Variants in ADGRB3 observed in about 807,000 individuals in gnomAD.
ADGRB3 encodes brain-specific angiogenesis inhibitor 3.
In ADGRB3, 37 loss-of-function variants were observed where a neutral mutation model predicts 193.4. The observed-to-expected ratio is 0.19, with a 90% CI of 0.15 to 0.25. The LOEUF is 0.25. Among genes scored for constraint, ADGRB3 ranks in the 10% least tolerant of loss-of-function variants. ADGRB3 has a pLI of 1.00. For missense variants in ADGRB3, 1,637 were observed against 1,852.9 expected (o/e 0.88, Z 2.14); for synonymous variants, 690 against 644.2 (o/e 1.07, Z -1.08).
At chr6:68,722,015 T>A (rs1036796077) in intron 3 of ADGRB3, among the ~76,000 whole-genome samples, 2 of 151,842 alleles carry the variant, frequency 1.3e-5, no homozygotes, top group Admixed American at 1.3e-4. Context: ...ATATATATAT[T>A]CTACAGTTGT....
intron 20 of ADGRB3, among the ~76,000 whole-genome samples, chr6:69,265,879 T>A (rs991200387): frequency 6.6e-6 from 1 of 152,008 alleles, no homozygotes; most frequent in Non-Finnish European, 1.5e-5. Context: ...CAAATGACTC[T>A]TTCAAGGAAA....
intron 20 of ADGRB3, among the ~76,000 whole-genome samples, chr6:69,289,993 T>C (rs1767633109): frequency 6.6e-6 from 1 of 152,018 alleles, no homozygotes; most frequent in South Asian, 2.1e-4. Context: ...ATTTTCTTAG[T>C]GGAAGCTTGT....
chr6:68,682,955 C>T (rs1461759122), intron 3 of ADGRB3, among the ~76,000 whole-genome samples: 1 of 151,742 alleles, frequency 6.6e-6, no homozygotes, highest in African/African-American at 2.4e-5. Flanking sequence ...TTTTTGTATT[C>T]TTAGTAGTGA....
At chr6:68,795,178 G>T (rs1767182540) in intron 3 of ADGRB3, among the ~76,000 whole-genome samples, 2 of 151,880 alleles carry the variant, frequency 1.3e-5, no homozygotes, top group South Asian at 4.1e-4. Flanking sequence ...TATTAGCTAT[G>T]TGCTGGCATT....
intron 3 of ADGRB3, among the ~76,000 whole-genome samples, chr6:68,773,887 T>A (rs1324317058): frequency 6.6e-6 from 1 of 151,862 alleles, no homozygotes; most frequent in South Asian, 2.1e-4. Flanking sequence ...GACTTAGATG[T>A]AAGATAGAGG....
chr6:68,917,369 A>C (rs1766911177), intron 3 of ADGRB3, among the ~76,000 whole-genome samples: 1 of 152,184 alleles, frequency 6.6e-6, no homozygotes, highest in African/African-American at 2.4e-5. Context: ...AGTTCTTCCT[A>C]TGGATTTGAC....
intron 3 of ADGRB3, among the ~76,000 whole-genome samples, chr6:68,682,748 G>A (rs1262578563): frequency 2.6e-5 from 4 of 151,666 alleles, no homozygotes; most frequent in Non-Finnish European, 5.9e-5. Flanking sequence ...ATAAGGAGTT[G>A]ATGCAATGTT....
chr6:69,199,494 T>C (rs1300872907), intron 17 of ADGRB3, among the ~76,000 whole-genome samples: 1 of 152,102 alleles, frequency 6.6e-6, no homozygotes, highest in Non-Finnish European at 1.5e-5. Flanking sequence ...TCAAGAAACA[T>C]AAGCTTTTCT....
chr6:68,846,970 C>A (rs1379986091), intron 3 of ADGRB3, among the ~76,000 whole-genome samples: 2 of 152,154 alleles, frequency 1.3e-5, no homozygotes, highest in African/African-American at 2.4e-5. Flanking sequence ...CTGTACCATG[C>A]AAAGCCACAA....
chr6:69,145,244 T>G (rs151277023), intron 17 of ADGRB3, among the ~76,000 whole-genome samples: 1 of 152,170 alleles, frequency 6.6e-6, no homozygotes, highest in Non-Finnish European at 1.5e-5. Flanking sequence ...GTCTGGTTAC[T>G]GTGCATAGCC....
At chr6:69,085,116 A>G (rs1772509885) in intron 17 of ADGRB3, among the ~76,000 whole-genome samples, 1 of 152,170 alleles carries the variant, frequency 6.6e-6, no homozygotes, top group Admixed American at 6.6e-5. Flanking sequence ...GATGCCAACC[A>G]GAAGATTCCT....
Position 69,233,428 on chromosome 6 carries a change from A to C in ADGRB3, c.2607+12A>C. On this transcript the variant is annotated intron_variant, in intron 18 of 31. Coordinates refer to ENST00000370598, the MANE Select transcript of ADGRB3 (RefSeq NM_001704.3). Reference sequence around the variant, plus strand: ...AACCTAGAGAAATAGTAAGTAACAAAGGGAAAACACGGCTTTAACGCAAAG... The same window carrying C: ...AACCTAGAGAAATAGTAAGTAACAACGGGAAAACACGGCTTTAACGCAAAG... 6.2e-7 allele frequency: 1 copy of C among 1,613,866 alleles called. No homozygotes were observed. Among genetic ancestry groups the C allele is most frequent in the Non-Finnish European group, 8.5e-7 (1 of 1,179,842 alleles).
chr6:69,352,250 G>A (rs1411072869), intron 26 of ADGRB3, among the ~76,000 whole-genome samples: 1 of 152,090 alleles, frequency 6.6e-6, no homozygotes, highest in African/African-American at 2.4e-5. Context: ...TAAAAAGGAG[G>A]AGCTTGAAAG....
intron 4 of ADGRB3, among the ~76,000 whole-genome samples, chr6:68,933,620 A>G (rs1394169584): frequency 6.6e-6 from 1 of 152,228 alleles, no homozygotes; most frequent in East Asian, 1.9e-4. Context: ...ATAAATAAAT[A>G]AAATTAAAAG....
At position 69,322,585 on chromosome 6, in the gene ADGRB3, A is replaced by C. The variant is rs75723476; in HGVS notation, c.2815-2287A>C. Among the ~76,000 whole-genome samples, 153 of 151,948 alleles carry C rather than the reference A, an allele frequency of 1.0e-3. 1 individual carries two copies. In the East Asian group the frequency reaches 0.025, roughly 25 times the overall value. ...TGGTATCTCACTCACTATTGTTTTG[A>C]TCTGCATTTCTCTTAATGGTCAGTG... On this transcript the variant is annotated intron_variant, in intron 20 of 31. Coordinates refer to ENST00000370598, the MANE Select transcript of ADGRB3 (RefSeq NM_001704.3).
At chr6:68,787,249 C>T (rs932117720) in intron 3 of ADGRB3, among the ~76,000 whole-genome samples, 20 of 152,158 alleles carry the variant, frequency 1.3e-4, no homozygotes, top group African/African-American at 4.8e-4. Flanking sequence ...AAAGGGAATG[C>T]TTCCAGTTTT....
intron 3 of ADGRB3, among the ~76,000 whole-genome samples, chr6:68,894,912 C>T (rs1223684191): frequency 6.6e-6 from 1 of 151,274 alleles, no homozygotes; most frequent in Non-Finnish European, 1.5e-5. Flanking sequence ...AGACAAGATC[C>T]CATTATCAGT....
intron 11 of ADGRB3, among the ~76,000 whole-genome samples, chr6:68,999,235 A>G (rs1218179836): frequency 6.6e-6 from 1 of 151,246 alleles, no homozygotes; most frequent in Non-Finnish European, 1.5e-5. Context: ...AAGACTATTC[A>G]TTAAAGCCAT....
intron 17 of ADGRB3, among the ~76,000 whole-genome samples, chr6:69,197,775 T>C (rs980648182): frequency 6.6e-6 from 1 of 151,996 alleles, no homozygotes; most frequent in Admixed American, 6.6e-5. Context: ...CAAGCAAAGG[T>C]AAGAGGCTAA....
Sources: allele counts gnomAD v4.1 joint callset (sites outside exome capture counted in the v4.1 genomes callset), GRCh38; gene constraint gnomAD v4.1.1; transcripts MANE v1.5; gene names NCBI Gene and HGNC (gene_info 2026-07-23, HGNC 2026-07-21).